The following VAV3 variants were observed in gnomAD, a reference collection of about 807,000 sequenced individuals.
VAV3 encodes guanine nucleotide exchange factor VAV3.
A neutral mutation model predicts 131.2 loss-of-function variants in VAV3; 94 were observed. The ratio of observed to expected loss-of-function variants is 0.72; its 90% confidence interval spans 0.61 to 0.85. The LOEUF is 0.85. Among genes scored for constraint, VAV3 ranks in the 40% least tolerant of loss-of-function variants. VAV3 has a pLI of 0.00. For missense variants in VAV3, 939 were observed against 1,002.7 expected (o/e 0.94, Z 0.86); for synonymous variants, 349 against 342.0 (o/e 1.02, Z -0.22).
intron 25 of VAV3, among the ~76,000 whole-genome samples, chr1:107,574,473 GAAACA>G (rs1048994872): frequency 9.8e-4 from 149 of 152,020 alleles, no homozygotes; most frequent in African/African-American, 3.3e-3. Flanking sequence ...TTATAAAAAT[GAAACA>G]AAACAAAACA....
rs1570538993 is a variant in VAV3, at chr1:107,574,041, A to C, written c.2502+6T>G. 1.9e-6 allele frequency: 3 copies of C among 1,613,740 alleles called. No homozygotes were observed. Among genetic ancestry groups the C allele is most frequent in the Non-Finnish European group, 2.5e-6 (3 of 1,179,800 alleles). ...ATGCACCAGCACATCGAGAGGGCCA[A>C]CTTACCCTGCCATTTACTTCTCCTC... is the stretch of plus-strand genomic sequence containing the variant. On this transcript the variant is annotated splice_donor_region_variant and intron_variant, in intron 26 of 26. Transcript: ENST00000370056.
chr1:107,892,942 C>T (rs1240713825), intron 1 of VAV3, among the ~76,000 whole-genome samples: 1 of 152,186 alleles, frequency 6.6e-6, no homozygotes, highest in South Asian at 2.1e-4. Flanking sequence ...TAACATTAGG[C>T]TGAGCACTAC....
intron 12 of VAV3, 81 bp downstream of exon 12, chr1:107,755,346 C>T: frequency 9.2e-7 from 1 of 1,086,300 alleles, no homozygotes; most frequent in South Asian, 1.4e-5. Context: ...TGAAGGTAAA[C>T]TATGTTTTCT....
At chr1:107,902,348 T>G (rs1188779624) in intron 1 of VAV3, among the ~76,000 whole-genome samples, 3 of 152,254 alleles carry the variant, frequency 2.0e-5, no homozygotes, top group Admixed American at 1.3e-4. Context: ...TGTTTCAATT[T>G]TTTTTAATCT....
chr1:107,708,743 T>C (rs1328524017), intron 15 of VAV3, among the ~76,000 whole-genome samples: 1 of 152,144 alleles, frequency 6.6e-6, no homozygotes, highest in Non-Finnish European at 1.5e-5. Context: ...TTACTCCATC[T>C]TCCAAACTGG....
intron 22 of VAV3, among the ~76,000 whole-genome samples, chr1:107,607,604 G>T (rs1435560274): frequency 1.3e-5 from 2 of 152,072 alleles, no homozygotes; most frequent in Admixed American, 6.6e-5. Flanking sequence ...TGCAGGAAAG[G>T]GCAATTTGTC....
At chr1:107,960,468 A>G (rs1675031680) in intron 1 of VAV3, among the ~76,000 whole-genome samples, 1 of 151,892 alleles carries the variant, frequency 6.6e-6, no homozygotes, top group Admixed American at 6.5e-5. Flanking sequence ...TCCGTCTCAA[A>G]AAAAAAAAGA....
rs142394992 is a variant in VAV3 at position 107,963,251 on chromosome 1, G to A, written c.204+1415C>T. On this transcript the variant is annotated intron_variant, in intron 1 of 26. Coordinates refer to ENST00000370056, the MANE Select transcript of VAV3 (RefSeq NM_006113.5). ...ACCCACGCTGCCTCCTGAGGCTACAGGCAAAGTGGAAAATGGGGATGTGTG... is the reference window on the plus strand; with the variant it reads ...ACCCACGCTGCCTCCTGAGGCTACAAGCAAAGTGGAAAATGGGGATGTGTG... 4.2e-3 allele frequency among the ~76,000 whole-genome samples: 633 copies of A among 152,224 alleles called. 2 individuals are homozygous for A. Among genetic ancestry groups the A allele is most frequent in the Middle Eastern group, 0.017 (5 of 294 alleles).
chr1:107,696,780 T>C (rs1196295765), intron 17 of VAV3, among the ~76,000 whole-genome samples: 1 of 152,150 alleles, frequency 6.6e-6, no homozygotes, highest in Non-Finnish European at 1.5e-5. Flanking sequence ...TGAAATCATA[T>C]CACACTCTTC....
chr1:107,763,870 T>C (rs1664577879), intron 9 of VAV3, among the ~76,000 whole-genome samples: 1 of 152,108 alleles, frequency 6.6e-6, no homozygotes. Context: ...CCTTCTCCCC[T>C]GACCTCAGTG....
intron 20 of VAV3, among the ~76,000 whole-genome samples, chr1:107,636,841 G>C (rs932816897): frequency 2.6e-5 from 4 of 152,124 alleles, no homozygotes; most frequent in African/African-American, 9.7e-5. Flanking sequence ...CAGCAAAGTA[G>C]CACTTAGAAA....
intron 17 of VAV3, among the ~76,000 whole-genome samples, chr1:107,701,632 C>G (rs924511960): frequency 3.3e-5 from 5 of 152,196 alleles, no homozygotes; most frequent in African/African-American, 1.2e-4. Flanking sequence ...TCTTTTCTAT[C>G]GCATCATCAG....
intron 20 of VAV3, among the ~76,000 whole-genome samples, chr1:107,633,771 C>T (rs988113084): frequency 1.3e-5 from 2 of 152,100 alleles, no homozygotes; most frequent in African/African-American, 2.4e-5. Flanking sequence ...AGTCTAAGTA[C>T]CCTGCGATCA....
intron 1 of VAV3, among the ~76,000 whole-genome samples, chr1:107,957,556 A>G (rs1018459780): frequency 6.6e-6 from 1 of 152,200 alleles, no homozygotes; most frequent in Non-Finnish European, 1.5e-5. Context: ...GCTACAGGGA[A>G]GCGAATATGA....
chr1:107,647,380 T>C (rs1655812774), intron 19 of VAV3, among the ~76,000 whole-genome samples: 1 of 151,828 alleles, frequency 6.6e-6, no homozygotes, highest in Non-Finnish European at 1.5e-5. Flanking sequence ...AAGCATAACA[T>C]ATTAATTCAT....
intron 12 of VAV3, among the ~76,000 whole-genome samples, chr1:107,752,922 A>G (rs1663826822): frequency 6.6e-6 from 1 of 152,200 alleles, no homozygotes; most frequent in Non-Finnish European, 1.5e-5. Context: ...TAATGACCAT[A>G]CAACCCAGAA....
At chr1:107,811,834 A>C (rs1667330686) in intron 2 of VAV3, among the ~76,000 whole-genome samples, 1 of 152,222 alleles carries the variant, frequency 6.6e-6, no homozygotes, top group Non-Finnish European at 1.5e-5. Context: ...GCTCCTCCGA[A>C]AACTATCTTT....
At chr1:107,756,125 A>G (rs1258856171) in intron 11 of VAV3, among the ~76,000 whole-genome samples, 1 of 152,232 alleles carries the variant, frequency 6.6e-6, no homozygotes, top group African/African-American at 2.4e-5. Context: ...CATGAATTAA[A>G]GTGAACATAA....
chr1:107,571,928 A>G lies in VAV3; in HGVS notation c.*1403T>C, dbSNP rs1293556920. 6.6e-6 allele frequency: 1 copy of G among 152,622 alleles called. No homozygotes were observed. Among genetic ancestry groups the G allele is most frequent in the Admixed American group, 6.5e-5 (1 of 15,284 alleles). 9.5% of individuals were successfully genotyped at this position (152,622 alleles called of 1,614,324 possible). The stretch of plus-strand genomic sequence containing the variant: ...CTGCTTCATTTCAGAGATGATTCAA[A>G]ATTTCAGAACTTAATGCTCCTGGTT... On this transcript the variant is annotated 3_prime_UTR_variant, in exon 27 of 27. Coordinates refer to ENST00000370056, the MANE Select transcript of VAV3 (RefSeq NM_006113.5).
Sources: gnomAD v4.1 joint callset for allele counts (sites outside exome capture counted in the v4.1 genomes callset) on GRCh38, gnomAD v4.1.1 for gene constraint, MANE v1.5 for transcripts, NCBI Gene and HGNC (gene_info 2026-07-23, HGNC 2026-07-21) for gene names.